The following NTNG1 variants were observed in gnomAD, a reference collection of about 807,000 sequenced individuals.
NTNG1 encodes netrin-G1.
A neutral mutation model predicts 54.0 loss-of-function variants in NTNG1; 16 were observed. The observed-to-expected ratio is 0.30, with a 90% CI of 0.20 to 0.45. The LOEUF (loss-of-function observed/expected upper bound fraction) is 0.45. Among genes scored for constraint, NTNG1 ranks in the 20% least tolerant of loss-of-function variants. The pLI is 1.00. For missense variants in NTNG1, 530 were observed against 678.7 expected (o/e 0.78, Z 2.43); for synonymous variants, 255 against 263.1 (o/e 0.97, Z 0.30).
chr1:107,421,724 G>A (rs1185929015), intron 5 of NTNG1, among the ~76,000 whole-genome samples: 3 of 152,044 alleles, frequency 2.0e-5, no homozygotes, highest in African/African-American at 4.8e-5. Flanking sequence ...CTCATGAATG[G>A]CCCATTCCAG....
intron 2 of NTNG1, among the ~76,000 whole-genome samples, chr1:107,186,819 G>A (rs887509209): frequency 1.3e-5 from 2 of 152,054 alleles, no homozygotes; most frequent in Non-Finnish European, 2.9e-5. Flanking sequence ...ATATTTTTGA[G>A]TTAGCTCAAA....
intron 2 of NTNG1, among the ~76,000 whole-genome samples, chr1:107,237,756 G>T (rs1180286540): frequency 6.6e-6 from 1 of 152,174 alleles, no homozygotes. Flanking sequence ...CTTCCAAGTG[G>T]TGTTGAGCCT....
At chr1:107,191,875 T>C (rs144072027) in intron 2 of NTNG1, among the ~76,000 whole-genome samples, 1,874 of 152,228 alleles carry the variant, frequency 0.012, 9 homozygotes, top group Non-Finnish European at 0.018. Context: ...GCCTCCAGCT[T>C]TGTTCTTTTG....
chr1:107,375,065 T>C (rs1372343795), intron 3 of NTNG1, among the ~76,000 whole-genome samples: 1 of 152,206 alleles, frequency 6.6e-6, no homozygotes, highest in East Asian at 1.9e-4. Context: ...TCTAATACTT[T>C]TGGAGGTTTT....
chr1:107,196,795 A>G (rs560491426), intron 2 of NTNG1, among the ~76,000 whole-genome samples: 45 of 152,166 alleles, frequency 3.0e-4, no homozygotes, highest in African/African-American at 9.4e-4. Context: ...TAGATAAAAT[A>G]AAGATAAAAA....
intron 2 of NTNG1, among the ~76,000 whole-genome samples, chr1:107,299,026 A>T (rs1666159159): frequency 6.6e-6 from 1 of 152,182 alleles, no homozygotes; most frequent in African/African-American, 2.4e-5. Context: ...TGGGTACATT[A>T]TGCTATTCTC....
At chr1:107,190,626 TC>T (rs758125993) in intron 2 of NTNG1, among the ~76,000 whole-genome samples, 2 of 152,138 alleles carry the variant, frequency 1.3e-5, no homozygotes, top group Non-Finnish European at 2.9e-5. Flanking sequence ...CCTTCCTGTG[TC>T]CAAGTGTTCT....
intron 2 of NTNG1, among the ~76,000 whole-genome samples, chr1:107,291,711 TAAAAG>T (rs1254086034): frequency 1.3e-5 from 2 of 152,144 alleles, no homozygotes; most frequent in Non-Finnish European, 2.9e-5. Context: ...TATATAAACT[TAAAAG>T]AAAATACAAG....
At chr1:107,467,148 T>G (rs540580779) in intron 7 of NTNG1, among the ~76,000 whole-genome samples, 1 of 152,174 alleles carries the variant, frequency 6.6e-6, no homozygotes, top group African/African-American at 2.4e-5. Context: ...TAATAAGAGC[T>G]CTTGTTTATT....
chr1:107,380,907 C>G (rs534192261), intron 3 of NTNG1, among the ~76,000 whole-genome samples: 1 of 152,216 alleles, frequency 6.6e-6, no homozygotes, highest in African/African-American at 2.4e-5. Flanking sequence ...TTTAACACTT[C>G]TGTTAAATAT....
chr1:107,278,454 G>A (rs1176501338), intron 2 of NTNG1, among the ~76,000 whole-genome samples: 1 of 152,132 alleles, frequency 6.6e-6, no homozygotes, highest in East Asian at 1.9e-4. Flanking sequence ...GCATGTAGTA[G>A]ATCCAAAACA....
intron 2 of NTNG1, among the ~76,000 whole-genome samples, chr1:107,284,996 C>T (rs983690035): frequency 3.3e-5 from 5 of 152,026 alleles, no homozygotes; most frequent in Non-Finnish European, 4.4e-5. Context: ...TAATTTGTAT[C>T]TCACTGATTG....
At chr1:107,275,227 A>C (rs972941514) in intron 2 of NTNG1, among the ~76,000 whole-genome samples, 4 of 152,026 alleles carry the variant, frequency 2.6e-5, no homozygotes, top group Non-Finnish European at 5.9e-5. Flanking sequence ...AAATACAAAA[A>C]TTAGCCAGGC....
chr1:107,223,244 G>A (rs1054244729), intron 2 of NTNG1, among the ~76,000 whole-genome samples: 3 of 151,958 alleles, frequency 2.0e-5, no homozygotes, highest in East Asian at 1.9e-4. Context: ...GCGAGAACAC[G>A]CAGGGGTGTG....
intron 2 of NTNG1, among the ~76,000 whole-genome samples, chr1:107,264,938 G>A (rs1032550551): frequency 6.6e-6 from 1 of 152,190 alleles, no homozygotes; most frequent in Non-Finnish European, 1.5e-5. Flanking sequence ...GGTACAGTGG[G>A]AAGTTTTGCA....
chr1:107,455,352 C>T (rs574212012), intron 7 of NTNG1, among the ~76,000 whole-genome samples: 1 of 152,362 alleles, frequency 6.6e-6, no homozygotes, highest in South Asian at 2.1e-4. Flanking sequence ...GCGTGAGCCA[C>T]CACGCCCAGC....
At chr1:107,342,095 AGTC>A (rs1191049704) in intron 3 of NTNG1, among the ~76,000 whole-genome samples, 3 of 152,106 alleles carry the variant, frequency 2.0e-5, no homozygotes, top group African/African-American at 7.2e-5. Context: ...TTTGTTTAGT[AGTC>A]GTATTTTATA....
chr1:107,268,084 T>A (rs1354425536), intron 2 of NTNG1, among the ~76,000 whole-genome samples: 1 of 152,224 alleles, frequency 6.6e-6, no homozygotes, highest in Admixed American at 6.5e-5. Flanking sequence ...TCATTTCTCT[T>A]TTATAACATC....
At chr1:107,389,348 G>A (rs1672219698) in intron 3 of NTNG1, among the ~76,000 whole-genome samples, 1 of 152,112 alleles carries the variant, frequency 6.6e-6, no homozygotes, top group Admixed American at 6.6e-5. Flanking sequence ...ATTAGTAATA[G>A]GCTATATGGA....
Sources: gnomAD v4.1 joint callset for allele counts (sites outside exome capture counted in the v4.1 genomes callset) on GRCh38, gnomAD v4.1.1 for gene constraint, MANE v1.5 for transcripts, NCBI Gene and HGNC (gene_info 2026-07-23, HGNC 2026-07-21) for gene names.